Variants in GRM8 observed in about 807,000 individuals in gnomAD.
The protein encoded by GRM8 is glutamate metabotropic receptor 8.
GRM8 carries 47 observed loss-of-function variants against 87.2 expected under a neutral mutation model. That is an observed-to-expected ratio of 0.54 (90% confidence interval 0.43 to 0.69). The LOEUF (loss-of-function observed/expected upper bound fraction) is 0.69, where lower values mean the gene tolerates loss of function less well. GRM8 is among the 30% of genes least tolerant of loss of function. The pLI is 0.00. For synonymous variants in GRM8, 396 were observed against 404.5 expected (o/e 0.98, Z 0.25); for missense variants, 1,019 against 1,139.2 (o/e 0.89, Z 1.52).
intron 2 of GRM8, among the ~76,000 whole-genome samples, chr7:127,195,398 T>C (rs186188379): frequency 6.6e-6 from 1 of 152,266 alleles, no homozygotes; most frequent in Non-Finnish European, 1.5e-5. Flanking sequence ...GGGAAAATCT[T>C]AACTAATCAT....
chr7:126,963,769 C>T (rs1809552666), intron 3 of GRM8, among the ~76,000 whole-genome samples: 1 of 152,108 alleles, frequency 6.6e-6, no homozygotes, highest in Non-Finnish European at 1.5e-5. Context: ...CAATGCTATA[C>T]CCATTAAGCT....
At chr7:127,119,492 TCTC>T (rs1433780597) in intron 2 of GRM8, among the ~76,000 whole-genome samples, 4 of 150,992 alleles carry the variant, frequency 2.6e-5, no homozygotes, top group African/African-American at 9.8e-5. Context: ...TCTCTCTCTC[TCTC>T]TCTCTCACAC....
At chr7:126,607,435 G>A (rs1798467705) in intron 8 of GRM8, among the ~76,000 whole-genome samples, 1 of 150,408 alleles carries the variant, frequency 6.6e-6, no homozygotes, top group African/African-American at 2.4e-5. Flanking sequence ...ATCACTTTGG[G>A]GGACATATTT....
intron 7 of GRM8, among the ~76,000 whole-genome samples, chr7:126,694,538 AT>A (rs990089511): frequency 3.3e-5 from 5 of 152,052 alleles, no homozygotes; most frequent in Admixed American, 6.6e-5. Flanking sequence ...TACTTACTCA[AT>A]TTTTTTCTTC....
chr7:126,763,091 C>T (rs963782792), intron 7 of GRM8, among the ~76,000 whole-genome samples: 2 of 130,442 alleles, frequency 1.5e-5, no homozygotes, highest in African/African-American at 5.9e-5. Context: ...TTAGGATATT[C>T]ATGTTTTGAC....
At chr7:127,244,169 G>A (rs555566522) in intron 1 of GRM8, among the ~76,000 whole-genome samples, 1 of 152,260 alleles carries the variant, frequency 6.6e-6, no homozygotes, top group Non-Finnish European at 1.5e-5. Flanking sequence ...CACAGGTAAG[G>A]TGACATGTGA....
At chr7:126,989,531 A>G (rs1812426790) in intron 3 of GRM8, among the ~76,000 whole-genome samples, 1 of 152,170 alleles carries the variant, frequency 6.6e-6, no homozygotes, top group Non-Finnish European at 1.5e-5. Flanking sequence ...ACTAAATCCT[A>G]AACTAGAGCA....
At chr7:127,006,286 C>CCT (rs1814293579) in intron 3 of GRM8, among the ~76,000 whole-genome samples, 1 of 150,588 alleles carries the variant, frequency 6.6e-6, no homozygotes, top group Non-Finnish European at 1.5e-5. Flanking sequence ...ATTTTCCCCT[C>CCT]CTTTGCTGCT....
At chr7:126,906,521 A>G (rs1398098690) in intron 3 of GRM8, among the ~76,000 whole-genome samples, 4 of 152,148 alleles carry the variant, frequency 2.6e-5, no homozygotes, top group African/African-American at 7.2e-5. Flanking sequence ...CAAAGAGACT[A>G]AGACATCAAA....
chr7:127,154,135 T>C (rs1792578499), intron 2 of GRM8, among the ~76,000 whole-genome samples: 1 of 152,092 alleles, frequency 6.6e-6, no homozygotes, highest in South Asian at 2.1e-4. Context: ...AACCTGGAGT[T>C]TGGGGAAAAG....
chr7:126,497,700 A>T (rs888404055), intron 9 of GRM8, among the ~76,000 whole-genome samples: 2 of 151,982 alleles, frequency 1.3e-5, no homozygotes, highest in African/African-American at 4.8e-5. Flanking sequence ...ATCTTTCTGT[A>T]AATGGTAAAT....
intron 7 of GRM8, among the ~76,000 whole-genome samples, chr7:126,635,248 TAAAC>T (rs370865362): frequency 0.016 from 2,460 of 151,284 alleles, 80 homozygotes; most frequent in African/African-American, 0.056. Flanking sequence ...GTATAAAAAA[TAAAC>T]AAGTTGACAT....
chr7:126,527,643 G>A (rs1156298590), intron 9 of GRM8, among the ~76,000 whole-genome samples: 2 of 152,152 alleles, frequency 1.3e-5, no homozygotes, highest in African/African-American at 4.8e-5. Flanking sequence ...ATTCCTTAGA[G>A]CAGGAATTTT....
chr7:126,787,711 CT>C (rs1820772544), intron 6 of GRM8, among the ~76,000 whole-genome samples: 1 of 151,990 alleles, frequency 6.6e-6, no homozygotes, highest in South Asian at 2.1e-4. Context: ...TTCTTTCTTA[CT>C]TCTTCATAAC....
At chr7:126,999,737 CAA>C (rs1813536778) in intron 3 of GRM8, among the ~76,000 whole-genome samples, 1 of 151,612 alleles carries the variant, frequency 6.6e-6, no homozygotes, top group Non-Finnish European at 1.5e-5. Flanking sequence ...CAAGCAGTAA[CAA>C]ATGCTGGAGA....
At chr7:127,109,972 C>T (rs1289361914) in intron 2 of GRM8, among the ~76,000 whole-genome samples, 1 of 152,086 alleles carries the variant, frequency 6.6e-6, no homozygotes, top group Non-Finnish European at 1.5e-5. Context: ...TTGAGTTTGT[C>T]CCGGAGGCAC....
chr7:126,759,276 T>C (rs1267855001), intron 7 of GRM8, among the ~76,000 whole-genome samples: 3 of 152,086 alleles, frequency 2.0e-5, no homozygotes, highest in African/African-American at 7.2e-5. Flanking sequence ...AGAGAAAAAA[T>C]AATCAAGTCT....
intron 9 of GRM8, among the ~76,000 whole-genome samples, chr7:126,454,243 A>C (rs1413977703): frequency 6.6e-6 from 1 of 151,732 alleles, no homozygotes; most frequent in African/African-American, 2.4e-5. Flanking sequence ...AAAAGAGAAA[A>C]TATGTTGAAT....
intron 3 of GRM8, among the ~76,000 whole-genome samples, chr7:127,002,473 T>G (rs888387299): frequency 6.6e-6 from 1 of 151,618 alleles, no homozygotes; most frequent in Non-Finnish European, 1.5e-5. Context: ...AGTTTGAGAG[T>G]CAGGAGAACA....
Sources: gnomAD v4.1 joint callset for allele counts (sites outside exome capture counted in the v4.1 genomes callset) on GRCh38, gnomAD v4.1.1 for gene constraint, MANE v1.5 for transcripts, NCBI Gene and HGNC (gene_info 2026-07-23, HGNC 2026-07-21) for gene names.